The following CAMSAP1 variants were observed in gnomAD, a reference collection of about 807,000 sequenced individuals.
The protein encoded by CAMSAP1 is calmodulin regulated spectrin associated protein 1, also known as calmodulin-regulated spectrin-associated protein 1.
Under a neutral mutation model 143.5 loss-of-function variants are expected in CAMSAP1, and 58 were observed. The observed-to-expected ratio is 0.40, with a 90% CI of 0.33 to 0.50. The LOEUF (loss-of-function observed/expected upper bound fraction) is 0.50, where lower values mean the gene tolerates loss of function less well. CAMSAP1 is among the 20% of genes least tolerant of loss of function. The probability of loss-of-function intolerance (pLI) is 0.45; values close to 1 mark genes in which losing one functional copy is unlikely to be tolerated. For synonymous variants in CAMSAP1, 945 were observed against 859.3 expected, an observed-to-expected ratio of 1.10 and a Z score of -1.74; for missense variants, 1,969 against 2,115.7, an observed-to-expected ratio of 0.93 and a Z score of 1.36.
At chr9:135,815,434 T>A (rs981271046) in intron 15 of CAMSAP1, among the ~76,000 whole-genome samples, 1 of 152,216 alleles carries the variant, frequency 6.6e-6, no homozygotes, top group African/African-American at 2.4e-5. Context: ...CAATAATTTA[T>A]CCCCTTTCTA....
chr9:135,885,147 C>T (rs1838083111), intron 1 of CAMSAP1, among the ~76,000 whole-genome samples: 1 of 152,172 alleles, frequency 6.6e-6, no homozygotes, highest in Non-Finnish European at 1.5e-5. Flanking sequence ...TCCCCATCTC[C>T]TAGGCCAGCT....
intron 5 of CAMSAP1, among the ~76,000 whole-genome samples, chr9:135,861,268 A>C (rs1016382783): frequency 6.6e-6 from 1 of 151,170 alleles, no homozygotes; most frequent in Admixed American, 6.6e-5. Flanking sequence ...TCACTCAATG[A>C]CAGAGACCGT....
intron 1 of CAMSAP1, among the ~76,000 whole-genome samples, chr9:135,886,086 G>A (rs868538740): frequency 1.3e-5 from 2 of 151,854 alleles, no homozygotes; most frequent in African/African-American, 2.4e-5. Context: ...ACTTTGTGAT[G>A]CCTTCAATGT....
chr9:135,843,122 G>C (rs906813781), intron 7 of CAMSAP1, among the ~76,000 whole-genome samples: 2 of 152,158 alleles, frequency 1.3e-5, no homozygotes, highest in African/African-American at 4.8e-5. Context: ...GAGGTCGGGA[G>C]TTCGAGACCA....
intron 7 of CAMSAP1, among the ~76,000 whole-genome samples, chr9:135,833,114 C>T (rs1181431083): frequency 7.1e-6 from 1 of 141,308 alleles, no homozygotes; most frequent in Non-Finnish European, 1.5e-5. Flanking sequence ...CGGAGTCTCG[C>T]TCTGTCGCCC....
At chr9:135,846,772 A>AT (rs1181864772) in intron 7 of CAMSAP1, among the ~76,000 whole-genome samples, 2 of 152,160 alleles carry the variant, frequency 1.3e-5, no homozygotes, top group Non-Finnish European at 2.9e-5. Context: ...GCCGACAAAC[A>AT]TAAGAAAAAA....
rs563287002 is a variant in CAMSAP1, at chr9:135,905,483, A to G, written c.160+1517T>C. ...TAAAACTTTGTGCTCGGATCCCAGG[A>G]GCCATGCCCAAGAATGCACTGGGCT... On this transcript the variant is annotated intron_variant, in intron 1 of 16. Transcript: ENST00000389532. 3.9e-5 allele frequency among the ~76,000 whole-genome samples: 6 copies of G among 152,322 alleles called. No homozygotes were observed. In the South Asian group the frequency reaches 1.2e-3, roughly 32 times the overall value.
At chr9:135,862,956 G>A (rs564509211) in intron 4 of CAMSAP1, among the ~76,000 whole-genome samples, 25 of 152,254 alleles carry the variant, frequency 1.6e-4, no homozygotes, top group Non-Finnish European at 3.1e-4. Context: ...ACCGAAAGCC[G>A]ACGTACTAGA....
At chr9:135,854,002 T>C (rs1836867462) in intron 5 of CAMSAP1, among the ~76,000 whole-genome samples, 1 of 152,280 alleles carries the variant, frequency 6.6e-6, no homozygotes. Context: ...CAATCCATAC[T>C]AACATGGAAA....
At chr9:135,856,226 G>A (rs751319109) in intron 5 of CAMSAP1, among the ~76,000 whole-genome samples, 3 of 152,156 alleles carry the variant, frequency 2.0e-5, no homozygotes, top group Non-Finnish European at 2.9e-5. Context: ...AGTTCCACAT[G>A]GCTGGGGAGG....
At chr9:135,877,674 C>A (rs1045500638) in intron 3 of CAMSAP1, among the ~76,000 whole-genome samples, 1 of 151,834 alleles carries the variant, frequency 6.6e-6, no homozygotes, top group African/African-American at 2.4e-5. Context: ...CAGCCAGGCA[C>A]GGTGGTGCAT....
chr9:135,861,550 C>T (rs987574395), intron 5 of CAMSAP1, among the ~76,000 whole-genome samples: 11 of 152,150 alleles, frequency 7.2e-5, no homozygotes, highest in African/African-American at 2.7e-4. Flanking sequence ...GGTGATCTAC[C>T]GCCTCGGCCT....
intron 7 of CAMSAP1, among the ~76,000 whole-genome samples, chr9:135,838,874 C>G (rs1392842801): frequency 6.7e-6 from 1 of 149,576 alleles, no homozygotes; most frequent in Admixed American, 6.7e-5. Context: ...CACACGTTCG[C>G]CACGTACCTT....
At chr9:135,899,311 G>A (rs893752361) in intron 1 of CAMSAP1, among the ~76,000 whole-genome samples, 7 of 151,800 alleles carry the variant, frequency 4.6e-5, no homozygotes, top group East Asian at 1.9e-4. Flanking sequence ...CAAAATGGCC[G>A]GGCGCGGTGG....
At chr9:135,834,476 AGAAG>A (rs1371330290) in intron 7 of CAMSAP1, among the ~76,000 whole-genome samples, 1 of 152,250 alleles carries the variant, frequency 6.6e-6, no homozygotes, top group Non-Finnish European at 1.5e-5. Context: ...ACCTCAAAAA[AGAAG>A]GAAGTCTTGT....
intron 3 of CAMSAP1, among the ~76,000 whole-genome samples, chr9:135,876,228 C>T (rs534888646): frequency 5.9e-5 from 9 of 152,194 alleles, no homozygotes; most frequent in Non-Finnish European, 1.0e-4. Flanking sequence ...GCTGTGATTA[C>T]AGGTGTGAGC....
intron 3 of CAMSAP1, among the ~76,000 whole-genome samples, chr9:135,878,444 C>T (rs575445182): frequency 2.6e-5 from 4 of 152,288 alleles, no homozygotes; most frequent in South Asian, 2.1e-4. Context: ...AATGCACCTG[C>T]GCACAGCAGG....
intron 8 of CAMSAP1, among the ~76,000 whole-genome samples, chr9:135,827,090 T>C (rs1487607452): frequency 6.6e-6 from 1 of 152,174 alleles, no homozygotes; most frequent in African/African-American, 2.4e-5. Flanking sequence ...ACACCTAAAC[T>C]GTCAATTCAA....
chr9:135,826,172 A>G lies in CAMSAP1; in HGVS notation c.1223+1235T>C, dbSNP rs1835664245. ...ACAGGGTGCAGACAGCAGGTCACAG[A>G]GCAGCGTGTACACGGGCACCAGCAC... On this transcript the variant is annotated intron_variant, in intron 8 of 16. Coordinates refer to ENST00000389532, the MANE Select transcript of CAMSAP1 (RefSeq NM_015447.4). The surrounding 1 kb of genome is among the most constrained non-coding windows in gnomAD (Gnocchi z 4.4). 6.7e-6 allele frequency: 1 copy of G among 149,890 alleles called. No individual in the cohort carries two copies. The allele number at this position is 149,890 out of a possible 1,614,324, so 9.3% of individuals were successfully genotyped here.
Sources: gnomAD v4.1 joint callset for allele counts (sites outside exome capture counted in the v4.1 genomes callset) on GRCh38, gnomAD v4.1.1 for gene constraint, Gnocchi (gnomAD v3.1) non-coding constraint, MANE v1.5 for transcripts, NCBI Gene and HGNC (gene_info 2026-07-23, HGNC 2026-07-21) for gene names.